ST14: variants seen among roughly 807,000 people sequenced by gnomAD.
ST14 encodes ST14 transmembrane serine protease matriptase.
In ST14, 40 loss-of-function variants were observed where a neutral mutation model predicts 96.5. The observed-to-expected ratio is 0.41, with a 90% confidence interval of 0.32 to 0.54. The LOEUF (loss-of-function observed/expected upper bound fraction) is 0.54. Ranked by LOEUF, ST14 falls within the 20% of genes least tolerant of loss-of-function variation. The probability of loss-of-function intolerance (pLI) is 0.17; values close to 1 mark genes in which losing one functional copy is unlikely to be tolerated. For missense variants in ST14, 1,066 were observed against 1,188.9 expected (o/e 0.90, Z 1.52); for synonymous variants, 506 against 492.1 (o/e 1.03, Z -0.37).
At position 130,209,494 on chromosome 11, in the gene ST14, C is replaced by T. The variant is rs760749411; in HGVS notation, c.2322C>T (p.Thr774=). 6 of 1,586,820 alleles carry T rather than the reference C, an allele frequency of 3.8e-6. No individual in the cohort carries two copies. Among genetic ancestry groups the T allele is most frequent in the East Asian group, 2.3e-5 (1 of 43,814 alleles). ...QKGEIRVINQ[T]TCENLLPQQI... is the part of the protein sequence containing the mutation. The stretch of plus-strand genomic sequence containing the variant: ...GTGAGATCCGCGTCATCAACCAGAC[C>T]ACCTGCGAGAACCTCCTGCCGCAGC... Residue 774 remains threonine, a synonymous_variant, in exon 18 of 19, where the codon ACC becomes ACT. Coordinates refer to ENST00000278742, the MANE Select transcript of ST14 (RefSeq NM_021978.4).
intron 1 of ST14, among the ~76,000 whole-genome samples, chr11:130,180,049 G>A (rs1042494352): frequency 9.8e-5 from 15 of 152,310 alleles, no homozygotes; most frequent in African/African-American, 3.6e-4. Flanking sequence ...CCTGGTGGGG[G>A]TGATGACATC....
chr11:130,182,826 T>A (rs1168965318), intron 1 of ST14, among the ~76,000 whole-genome samples: 4 of 151,588 alleles, frequency 2.6e-5, no homozygotes, highest in Non-Finnish European at 5.9e-5. Flanking sequence ...ATTTTTTATG[T>A]TTTTTGTAGA....
intron 1 of ST14, among the ~76,000 whole-genome samples, chr11:130,185,512 T>A (rs1372719670): frequency 6.6e-6 from 1 of 151,950 alleles, no homozygotes; most frequent in Non-Finnish European, 1.5e-5. Context: ...AAAAATTAAC[T>A]GGACACGGTG....
chr11:130,180,392 A>G (rs1003663645), intron 1 of ST14, among the ~76,000 whole-genome samples: 3 of 152,206 alleles, frequency 2.0e-5, no homozygotes, highest in Non-Finnish European at 4.4e-5. Context: ...GATCTTTAGA[A>G]AGGGTCTGGC....
intron 16 of ST14, among the ~76,000 whole-genome samples, chr11:130,207,733 A>G (rs536781088): frequency 4.1e-4 from 62 of 152,320 alleles, no homozygotes; most frequent in African/African-American, 1.5e-3. Context: ...ACAACACAAC[A>G]TATTTTTCAA....
In ST14 at chr11:130,198,406, G is replaced by T. The variant is rs1393303600; in HGVS notation, c.1558G>T (p.Glu520Ter). ...SVNDCGDNSD[E>*]QGCSCPAQTF... Reference sequence around the variant, plus strand: ...GAACGACTGCGGAGACAACAGCGACGAGCAGGGGTGCAGTGAGTGCTGGGG... The same window carrying T: ...GAACGACTGCGGAGACAACAGCGACTAGCAGGGGTGCAGTGAGTGCTGGGG... The change falls in exon 13 of 19, where the codon GAG becomes TAG. Residue 520 changes from glutamate (E) to a stop codon, truncating the protein, a stop_gained. Coordinates refer to ENST00000278742, the MANE Select transcript of ST14 (RefSeq NM_021978.4). LOFTEE classifies it high-confidence loss of function. The T allele has an allele frequency of 3.1e-6, 5 of 1,614,170 alleles. No homozygotes were observed.
chr11:130,189,530 G>T, intron 4 of ST14: 1 of 630,590 alleles, frequency 1.6e-6, no homozygotes, highest in Non-Finnish European at 2.7e-6. Context: ...GGTCTGGTTG[G>T]GGATGAGACT....
intron 1 of ST14, among the ~76,000 whole-genome samples, chr11:130,174,056 G>A (rs1385453615): frequency 1.3e-5 from 2 of 152,198 alleles, no homozygotes; most frequent in African/African-American, 4.8e-5. Context: ...CTTGAAGCAG[G>A]AGCAGGACAC....
intron 16 of ST14, 138 bp from the exon 17 acceptor site, chr11:130,208,272 T>G: frequency 8.1e-7 from 1 of 1,234,872 alleles, no homozygotes; most frequent in South Asian, 1.3e-5. Flanking sequence ...CAAGACCAAG[T>G]AAGAGCCGGC....
intron 16 of ST14, among the ~76,000 whole-genome samples, chr11:130,206,475 G>A (rs1465577995): frequency 6.6e-6 from 1 of 152,164 alleles, no homozygotes; most frequent in Admixed American, 6.5e-5. Flanking sequence ...GATTATTATT[G>A]TGGCAGGCGC....
intron 1 of ST14, among the ~76,000 whole-genome samples, chr11:130,173,190 T>G (rs535500453): frequency 4.6e-5 from 7 of 152,158 alleles, no homozygotes; most frequent in Non-Finnish European, 7.4e-5. Context: ...CTACCTACTG[T>G]CTCTCTTTGA....
chr11:130,189,336 A>C (rs1475090206), intron 4 of ST14: 1 of 437,016 alleles, frequency 2.3e-6, no homozygotes, highest in Non-Finnish European at 4.2e-6. Flanking sequence ...TTATTCTCAA[A>C]GTGCTTTTTA....
At chr11:130,193,103 G>T (rs1591889478) in intron 7 of ST14, among the ~76,000 whole-genome samples, 1 of 148,806 alleles carries the variant, frequency 6.7e-6, no homozygotes, top group Admixed American at 6.7e-5. Flanking sequence ...TGCCAGGCAT[G>T]TTTTTTTTTT....
intron 1 of ST14, among the ~76,000 whole-genome samples, chr11:130,161,754 C>G (rs1953000506): frequency 2.0e-5 from 3 of 152,206 alleles, no homozygotes; most frequent in African/African-American, 7.2e-5. Context: ...TGCTCTTTGT[C>G]TTTTCTCCTG....
intron 1 of ST14, among the ~76,000 whole-genome samples, chr11:130,183,051 G>A (rs931200971): frequency 2.0e-5 from 3 of 151,868 alleles, no homozygotes; most frequent in African/African-American, 7.3e-5. Context: ...CTGCCTCCTG[G>A]GTTCAAGCGA....
intron 7 of ST14, among the ~76,000 whole-genome samples, chr11:130,192,435 C>T (rs1953313925): frequency 6.6e-6 from 1 of 152,240 alleles, no homozygotes; most frequent in African/African-American, 2.4e-5. Context: ...GTCGCCCAGG[C>T]TGGAGTGCAG....
At position 130,200,040 on chromosome 11, in the gene ST14, C is replaced by A; in HGVS notation, c.1897C>A (p.His633Asn). The change falls in exon 16 of 19, where the codon CAT becomes AAT. Residue 633 changes from histidine to asparagine, a missense_variant. Physicochemically the swap from His to Asn is moderately conservative, Grantham distance 68. Coordinates refer to ENST00000278742, the MANE Select transcript of ST14 (RefSeq NM_021978.4). ...EGEWPWQVSLHALGQGHICGA... is the reference protein window; with the variant it reads ...EGEWPWQVSLNALGQGHICGA... ...CGAGTGGCCCTGGCAGGTAAGCCTG[C>A]ATGCTCTGGGCCAGGGCCACATCTG... 3 of 1,614,196 alleles carry A rather than the reference C, an allele frequency of 1.9e-6. No homozygotes were observed. The highest frequency in any genetic ancestry group is 2.5e-6 in the Non-Finnish European group (3 of 1,180,040).
At chr11:130,160,133 C>A (rs1952987928) in intron 1 of ST14, 73 bp downstream of exon 1, 1 of 1,084,394 alleles carries the variant, frequency 9.2e-7, no homozygotes, top group East Asian at 3.3e-5. Flanking sequence ...GCGCTGGGCT[C>A]GGCCGGCTCC....
chr11:130,198,000 G>A (rs985353982), intron 12 of ST14, 55 bp downstream of exon 12: 27 of 1,493,726 alleles, frequency 1.8e-5, no homozygotes, highest in Middle Eastern at 1.7e-4. Context: ...CCCTGCCCGC[G>A]TCCCATGGCC....
Sources: gnomAD v4.1 joint callset for allele counts (sites outside exome capture counted in the v4.1 genomes callset) on GRCh38, gnomAD v4.1.1 for gene constraint, MANE v1.5 for transcripts, NCBI Gene and HGNC (gene_info 2026-07-23, HGNC 2026-07-21) for gene names.